The following RALGAPA2 variants were observed in gnomAD, a reference collection of about 807,000 sequenced individuals.
RALGAPA2 encodes the protein Ral GTPase activating protein catalytic subunit alpha 2.
Under a neutral mutation model 230.4 loss-of-function variants are expected in RALGAPA2, and 139 were observed. The ratio of observed to expected loss-of-function variants is 0.60; its 90% CI spans 0.53 to 0.69. RALGAPA2 has a LOEUF of 0.69. RALGAPA2 is among the 30% of genes least tolerant of loss of function. RALGAPA2 has a pLI of 0.00. For synonymous variants in RALGAPA2, 847 were observed against 837.8 expected (o/e 1.01, Z -0.19); for missense variants, 2,163 against 2,276.0 (o/e 0.95, Z 1.01).
At chr20:20,434,054 GA>G (rs1239053610) in intron 37 of RALGAPA2, among the ~76,000 whole-genome samples, 2 of 152,206 alleles carry the variant, frequency 1.3e-5, no homozygotes, top group Non-Finnish European at 2.9e-5. Context: ...GATGTACTGG[GA>G]AGTCCATGAC....
intron 37 of RALGAPA2, among the ~76,000 whole-genome samples, chr20:20,438,619 C>T (rs867687251): frequency 6.6e-6 from 1 of 152,178 alleles, no homozygotes; most frequent in Non-Finnish European, 1.5e-5. Flanking sequence ...GGCTGCCAGG[C>T]AGTGCGCTCG....
At chr20:20,596,594 A>T (rs994573739) in intron 16 of RALGAPA2, among the ~76,000 whole-genome samples, 3 of 152,228 alleles carry the variant, frequency 2.0e-5, no homozygotes, top group Admixed American at 6.5e-5. Context: ...CAACATTTTA[A>T]GTAGTAAAGA....
chr20:20,676,347 A>G, intron 2 of RALGAPA2, 59 bp from the exon 3 acceptor site: 1 of 1,180,490 alleles, frequency 8.5e-7, no homozygotes, highest in Non-Finnish European at 1.2e-6. Flanking sequence ...GGACACTACA[A>G]ATTATGCTAA....
At chr20:20,681,978 A>G (rs901298139) in intron 1 of RALGAPA2, among the ~76,000 whole-genome samples, 2 of 152,256 alleles carry the variant, frequency 1.3e-5, no homozygotes, top group African/African-American at 4.8e-5. Context: ...ACAGTGTGGT[A>G]CCAATTGCTT....
chr20:20,645,674 C>T (rs1341934074), intron 4 of RALGAPA2, among the ~76,000 whole-genome samples: 1 of 152,166 alleles, frequency 6.6e-6, no homozygotes, highest in African/African-American at 2.4e-5. Context: ...GGAAGCAGTA[C>T]AGCTTAGCAG....
chr20:20,536,683 C>T lies in RALGAPA2; in HGVS notation c.3387G>A (p.Glu1129=). 1 of 1,612,904 alleles carries T rather than the reference C, an allele frequency of 6.2e-7. No individual in the cohort carries two copies. The highest frequency in any genetic ancestry group is 8.5e-7 in the Non-Finnish European group (1 of 1,179,108). The part of the protein sequence containing the change: ...PLLQSVPEVN[E]AITGTEDVKH... Reference sequence around the variant, plus strand: ...TGACATCTTCAGTTCCTGTAATGGCCTCATTTACTTCTGGCACTGACTGCA... The same window carrying T: ...TGACATCTTCAGTTCCTGTAATGGCTTCATTTACTTCTGGCACTGACTGCA... The change falls in exon 25 of 40, where the codon GAG becomes GAA. Residue 1129 remains glutamate, a synonymous_variant. Transcript: ENST00000202677.
intron 1 of RALGAPA2, 33 bp from the exon 2 acceptor site, chr20:20,680,834 C>A: frequency 6.5e-7 from 1 of 1,526,760 alleles, no homozygotes; most frequent in South Asian, 1.3e-5. Flanking sequence ...TATGACAATT[C>A]ACTTTATAAA....
intron 13 of RALGAPA2, among the ~76,000 whole-genome samples, chr20:20,611,881 C>A (rs1252073830): frequency 2.0e-5 from 3 of 152,176 alleles, no homozygotes; most frequent in East Asian, 3.9e-4. Context: ...TGGGGACACA[C>A]ACAGTCAGTA....
At chr20:20,677,536 A>G (rs141644682) in intron 2 of RALGAPA2, among the ~76,000 whole-genome samples, 1 of 151,750 alleles carries the variant, frequency 6.6e-6, no homozygotes, top group East Asian at 1.9e-4. Flanking sequence ...GAGGCAAAAG[A>G]AGGCAGATTA....
chr20:20,531,487 G>A (rs951733731), intron 27 of RALGAPA2, among the ~76,000 whole-genome samples, 200 bp downstream of exon 27: 2 of 152,226 alleles, frequency 1.3e-5, no homozygotes, highest in Non-Finnish European at 2.9e-5. Flanking sequence ...AGGAAGACTC[G>A]AGACACTCGT....
chr20:20,460,957 T>G lies in RALGAPA2; in HGVS notation c.5495+11872A>C, dbSNP rs151174203. Among the ~76,000 whole-genome samples the G allele has an allele frequency of 3.9e-4, 59 of 152,308 alleles. No individual in the cohort carries two copies. In the East Asian group the frequency reaches 0.011, roughly 29 times the overall value. The stretch of plus-strand genomic sequence containing the variant: ...CAATATAAGTTAAAAGGAAAGCGCA[T>G]CTCATCCCAATCTGAGCTGAAACCC... On this transcript the variant is annotated intron_variant, in intron 37 of 39. Coordinates refer to ENST00000202677, the MANE Select transcript of RALGAPA2 (RefSeq NM_020343.4).
At chr20:20,483,026 C>T (rs2061817808) in intron 36 of RALGAPA2, among the ~76,000 whole-genome samples, 1 of 152,186 alleles carries the variant, frequency 6.6e-6, no homozygotes, top group African/African-American at 2.4e-5. Flanking sequence ...CCATCTTTTA[C>T]TTAATGGAAA....
intron 35 of RALGAPA2, among the ~76,000 whole-genome samples, chr20:20,497,379 C>A (rs1266351600): frequency 1.3e-5 from 2 of 152,056 alleles, no homozygotes; most frequent in Admixed American, 1.3e-4. Flanking sequence ...GGAATTGAGA[C>A]CTGCAGAAAG....
intron 9 of RALGAPA2, among the ~76,000 whole-genome samples, chr20:20,634,510 G>A (rs954083277): frequency 6.6e-6 from 1 of 152,020 alleles, no homozygotes; most frequent in Admixed American, 6.6e-5. Context: ...CTCCCCAGTG[G>A]AGCCGCATGC....
chr20:20,564,739 C>G (rs1170939600), intron 23 of RALGAPA2, among the ~76,000 whole-genome samples: 1 of 152,220 alleles, frequency 6.6e-6, no homozygotes, highest in East Asian at 1.9e-4. Flanking sequence ...CTGAGTCTAG[C>G]TCTAAGGTAT....
At chr20:20,443,358 TA>T (rs1267262415) in intron 37 of RALGAPA2, among the ~76,000 whole-genome samples, 1 of 152,192 alleles carries the variant, frequency 6.6e-6, no homozygotes, top group Non-Finnish European at 1.5e-5. Context: ...CAAACTGAGA[TA>T]GTCCAGATAG....
chr20:20,397,736 G>A (rs1166239225), intron 38 of RALGAPA2, among the ~76,000 whole-genome samples: 2 of 152,232 alleles, frequency 1.3e-5, no homozygotes, highest in Non-Finnish European at 2.9e-5. Flanking sequence ...CCATCAGGAG[G>A]TGACCACTAA....
chr20:20,403,991 C>T (rs1011941068), intron 38 of RALGAPA2, among the ~76,000 whole-genome samples: 2 of 152,222 alleles, frequency 1.3e-5, no homozygotes, highest in Admixed American at 6.5e-5. Flanking sequence ...CCACAGGTCA[C>T]AGCTGAGTGC....
rs563203184 is a variant in RALGAPA2 at position 20,421,583 on chromosome 20, T to C, written c.5496-9435A>G. Among the ~76,000 whole-genome samples, 22 of 152,238 alleles carry C rather than the reference T, an allele frequency of 1.4e-4. No individual in the cohort carries two copies. The South Asian group carries it at 3.7e-3, about 26-fold the overall frequency. On this transcript the variant is annotated intron_variant, in intron 37 of 39. Transcript: ENST00000202677. ...TACTCGGGAGGCTGAGGCAGGAGAA[T>C]TGCTTGAACCCGGGAGGCGGAGGTT...
Sources: gnomAD v4.1 joint callset for allele counts (sites outside exome capture counted in the v4.1 genomes callset) on GRCh38, gnomAD v4.1.1 for gene constraint, MANE v1.5 for transcripts, NCBI Gene and HGNC (gene_info 2026-07-23, HGNC 2026-07-21) for gene names.